Variants in TAOK1 observed in about 807,000 individuals in gnomAD.
The protein encoded by TAOK1 is serine/threonine-protein kinase TAO1.
TAOK1 carries 21 observed loss-of-function variants against 138.3 expected under a neutral mutation model. The ratio of observed to expected loss-of-function variants is 0.15; its 90% CI spans 0.11 to 0.22. The LOEUF is 0.22. Ranked by LOEUF, TAOK1 falls within the 10% of genes least tolerant of loss-of-function variation. The pLI, the probability that TAOK1 is intolerant of heterozygous loss-of-function variation, is 1.00. For synonymous variants in TAOK1, 361 were observed against 398.4 expected (o/e 0.91, Z 1.12); for missense variants, 651 against 1,227.7 (o/e 0.53, Z 7.02).
chr17:29,467,058 A>G (rs1203650164), intron 2 of TAOK1, 87 bp from the exon 3 acceptor site: 2 of 1,001,174 alleles, frequency 2.0e-6, no homozygotes, highest in African/African-American at 3.3e-5. Context: ...ATGGTAGTTT[A>G]CAAATGCTTT....
At chr17:29,506,964 C>G (rs1031789534) in intron 13 of TAOK1, among the ~76,000 whole-genome samples, 1 of 151,994 alleles carries the variant, frequency 6.6e-6, no homozygotes, top group Non-Finnish European at 1.5e-5. Flanking sequence ...GGATAAACTT[C>G]AAAAACATGC....
chr17:29,432,777 A>G (rs1355868243), intron 1 of TAOK1, among the ~76,000 whole-genome samples: 1 of 145,222 alleles, frequency 6.9e-6, no homozygotes, highest in East Asian at 2.0e-4. Flanking sequence ...ACCTGTCCAA[A>G]TTTTTTTTTT....
chr17:29,460,631 G>A (rs965251170), intron 2 of TAOK1, among the ~76,000 whole-genome samples: 4 of 152,144 alleles, frequency 2.6e-5, no homozygotes, highest in Non-Finnish European at 4.4e-5. Flanking sequence ...TAAGAAATAT[G>A]GGCTTTATTC....
intron 2 of TAOK1, among the ~76,000 whole-genome samples, chr17:29,453,045 T>C (rs184917610): frequency 5.3e-5 from 8 of 152,272 alleles, no homozygotes; most frequent in African/African-American, 1.9e-4. Context: ...TGGGACTGCC[T>C]AACTGCACCA....
chr17:29,488,576 A>AAATAACAAT (rs1555564495), intron 8 of TAOK1, among the ~76,000 whole-genome samples: 1 of 145,482 alleles, frequency 6.9e-6, no homozygotes, highest in Non-Finnish European at 1.5e-5. Flanking sequence ...ACATCTCAAA[A>AAATAACAAT]AATAATAATA....
intron 1 of TAOK1, among the ~76,000 whole-genome samples, chr17:29,432,992 T>G (rs1905897906): frequency 6.6e-6 from 1 of 152,270 alleles, no homozygotes; most frequent in Non-Finnish European, 1.5e-5. Context: ...ATTCCTGGGC[T>G]CAAGCAGTCC....
chr17:29,517,048 G>A (rs1273029208), intron 15 of TAOK1, among the ~76,000 whole-genome samples: 3 of 150,846 alleles, frequency 2.0e-5, no homozygotes, highest in Non-Finnish European at 4.4e-5. Context: ...GTGCAGTGGC[G>A]AGATCTCAGC....
At position 29,543,132 on chromosome 17, in the gene TAOK1, T is replaced by G; in HGVS notation, c.*110T>G. The G allele has an allele frequency of 1.2e-6, 1 of 863,956 alleles. No individual in the cohort carries two copies. Among genetic ancestry groups the G allele is most frequent in the East Asian group, 2.7e-5 (1 of 36,678 alleles). The allele number at this position is 863,956 out of a possible 1,614,324, so 53.5% of individuals were successfully genotyped here. A position where few individuals can be genotyped will look rare whatever the true frequency, so the allele number is the denominator to read the frequency against. ...TGGGTACTACAGTGTGGAAGCTGAG[T>G]GCATATGGTATATTTTATTCATTTT... On this transcript the variant is annotated 3_prime_UTR_variant, in exon 20 of 20. Transcript: ENST00000261716.
chr17:29,470,980 C>T (rs1445674213), intron 3 of TAOK1, among the ~76,000 whole-genome samples: 1 of 152,018 alleles, frequency 6.6e-6, no homozygotes, highest in Non-Finnish European at 1.5e-5. Context: ...CAAAAATTAG[C>T]CAGGCATGGT....
chr17:29,521,408 T>C (rs182438609), intron 16 of TAOK1, among the ~76,000 whole-genome samples: 4 of 152,352 alleles, frequency 2.6e-5, no homozygotes, highest in Non-Finnish European at 5.9e-5. Context: ...TTCTGAGAAC[T>C]TTTTGTTTAT....
At chr17:29,409,315 A>G (rs960656274) in intron 1 of TAOK1, among the ~76,000 whole-genome samples, 16 of 57,272 alleles carry the variant, frequency 2.8e-4, no homozygotes, top group Middle Eastern at 8.5e-3. Flanking sequence ...GGACATATAT[A>G]TATATATATA....
intron 15 of TAOK1, chr17:29,514,129 A>G (rs28631113): frequency 6.6e-6 from 1 of 152,124 alleles, no homozygotes; most frequent in Non-Finnish European, 1.5e-5. Flanking sequence ...CTCGAAAAAG[A>G]AAAAGATAAC....
chr17:29,451,429 G>A (rs183166473), intron 1 of TAOK1, 26 bp from the exon 2 acceptor site: 121 of 1,300,162 alleles, frequency 9.3e-5, no homozygotes, highest in Admixed American at 3.9e-4. Context: ...TGCCTTTTCT[G>A]ACTTTTTTTT....
intron 2 of TAOK1, 137 bp downstream of exon 2, chr17:29,451,817 C>T (rs942960235): frequency 3.1e-5 from 27 of 875,610 alleles, no homozygotes; most frequent in Admixed American, 1.7e-4. Context: ...AGAGAGAGCG[C>T]GAGAGCGAGA....
intron 4 of TAOK1, among the ~76,000 whole-genome samples, chr17:29,476,998 A>G (rs1266971259): frequency 6.6e-6 from 1 of 151,870 alleles, no homozygotes; most frequent in Non-Finnish European, 1.5e-5. Context: ...GGCACCCACC[A>G]CCACACCCAG....
At chr17:29,489,612 C>A in intron 8 of TAOK1, 52 bp from the exon 9 acceptor site, 2 of 1,204,554 alleles carry the variant, frequency 1.7e-6, no homozygotes, top group Non-Finnish European at 2.3e-6. Context: ...GTGCCCAGGA[C>A]TTGAGTACCC....
intron 3 of TAOK1, among the ~76,000 whole-genome samples, chr17:29,472,785 A>G (rs1041112149): frequency 2.6e-5 from 4 of 151,308 alleles, no homozygotes; most frequent in Non-Finnish European, 5.9e-5. Flanking sequence ...CATGTCGGTC[A>G]GGCTAGTCCT....
In TAOK1 at chr17:29,522,363, C is replaced by T; in HGVS notation, c.1992C>T (p.Phe664=). 1 of 1,614,176 alleles carries T rather than the reference C, an allele frequency of 6.2e-7. No homozygotes were observed. Among genetic ancestry groups the T allele is most frequent in the East Asian group, 2.2e-5 (1 of 44,872 alleles). Residue 664 remains phenylalanine (F), a synonymous_variant, in exon 17 of 20, where the codon TTC becomes TTT. Coordinates refer to ENST00000261716, the MANE Select transcript of TAOK1 (RefSeq NM_020791.4). The part of the protein sequence containing the change: ...RQHESMQELE[F]RHLNTIQKMR... ...ATGAATCTATGCAAGAACTGGAGTT[C>T]CGCCACCTCAACACAATTCAGAAGA...
chr17:29,528,697 G>A (rs948197661), intron 17 of TAOK1, among the ~76,000 whole-genome samples: 6 of 151,724 alleles, frequency 4.0e-5, no homozygotes, highest in Non-Finnish European at 8.8e-5. Flanking sequence ...AAAATTGGCT[G>A]GGCTTGGTGG....
Sources: allele counts gnomAD v4.1 joint callset (sites outside exome capture counted in the v4.1 genomes callset), GRCh38; gene constraint gnomAD v4.1.1; transcripts MANE v1.5; gene names NCBI Gene and HGNC (gene_info 2026-07-23, HGNC 2026-07-21).